The following MOB2 variants were observed in gnomAD, a reference collection of about 807,000 sequenced individuals.
The protein encoded by MOB2 is MOB2 Mps One Binder homolog.
MOB2 carries 14 observed loss-of-function variants against 27.4 expected under a neutral mutation model. The observed-to-expected ratio is 0.51, with a 90% CI of 0.34 to 0.80. The LOEUF (loss-of-function observed/expected upper bound fraction) is 0.80. Among genes scored for constraint, MOB2 ranks in the 30% least tolerant of loss-of-function variants. MOB2 has a pLI of 0.01. For synonymous variants in MOB2, 167 were observed against 151.8 expected, an observed-to-expected ratio of 1.10 and a Z score of -0.74; for missense variants, 304 against 354.6, an observed-to-expected ratio of 0.86 and a Z score of 1.15.
chr11:1,475,779 A>T (rs1307000513), intron 3 of MOB2, among the ~76,000 whole-genome samples: 7 of 152,250 alleles, frequency 4.6e-5, no homozygotes, highest in African/African-American at 1.4e-4. Context: ...TTCAGATGTA[A>T]CAGCGAAATT....
At position 1,480,588 on chromosome 11, in the gene MOB2, C is replaced by T. The variant is rs556276535; in HGVS notation, c.272-102G>A. The T allele has an allele frequency of 2.6e-6, 4 of 1,530,016 alleles. No individual in the cohort carries two copies. The African/African-American group carries it at 5.5e-5, about 21-fold the overall frequency. The allele number at this position is 1,530,016 out of a possible 1,614,324, so 94.8% of individuals were successfully genotyped here. ...AGGTGCAGGAGCTCGGCTGGGTGAG[C>T]TCTGCCCGTCCACGGGCCACATTCT... On this transcript the variant is annotated intron_variant, in intron 2 of 4. Coordinates refer to ENST00000329957, the MANE Select transcript of MOB2 (RefSeq NM_001172223.3).
At chr11:1,480,670 G>A (rs1847901207) in intron 2 of MOB2, 55 bp downstream of exon 2, 2 of 1,579,684 alleles carry the variant, frequency 1.3e-6, no homozygotes, top group Non-Finnish European at 1.7e-6. Context: ...TTGAGGAGGG[G>A]CTTCGAGGAG....
At chr11:1,484,537 C>T (rs540241569) in intron 1 of MOB2, among the ~76,000 whole-genome samples, 1 of 152,114 alleles carries the variant, frequency 6.6e-6, no homozygotes, top group African/African-American at 2.4e-5. Context: ...CCAGTAGCCA[C>T]CCGGTACAGA....
In MOB2 at chr11:1,470,563, C is replaced by T. The variant is rs575594187; in HGVS notation, c.491-75G>A. 2.7e-4 allele frequency: 399 copies of T among 1,492,660 alleles called. 1 individual carries two copies. The highest frequency in any genetic ancestry group is 3.5e-4 in the Non-Finnish European group (387 of 1,116,148). The allele number at this position is 1,492,660 out of a possible 1,614,324, so 92.5% of individuals were successfully genotyped here. On this transcript the variant is annotated intron_variant, in intron 4 of 4. Transcript: ENST00000329957. ...AGAGGCCAGGCCCCTGGCACCCAGC[C>T]TGGTGGGTCTGGTACCTGCCACCCA... is the stretch of plus-strand genomic sequence containing the variant.
At chr11:1,482,340 C>T (rs1410353704) in intron 1 of MOB2, among the ~76,000 whole-genome samples, 3 of 152,258 alleles carry the variant, frequency 2.0e-5, no homozygotes, top group Non-Finnish European at 4.4e-5. Context: ...TGCCCCAGGG[C>T]CCACTCAGGG....
At chr11:1,476,817 T>C (rs1270134422) in intron 3 of MOB2, among the ~76,000 whole-genome samples, 2 of 152,210 alleles carry the variant, frequency 1.3e-5, no homozygotes, top group Non-Finnish European at 2.9e-5. Flanking sequence ...TGTTAAAGTT[T>C]TTTTGTTGAG....
chr11:1,480,265 T>C (rs1211556349), intron 3 of MOB2, 128 bp downstream of exon 3: 1 of 827,206 alleles, frequency 1.2e-6, no homozygotes, highest in Non-Finnish European at 1.9e-6. Context: ...GTGGAAGGCC[T>C]GTGCCAAGAC....
rs769199222 is a variant in MOB2 at position 1,471,438 on chromosome 11, G to C, written c.366-19C>G. On this transcript the variant is annotated intron_variant, in intron 3 of 4. Coordinates refer to ENST00000329957, the MANE Select transcript of MOB2 (RefSeq NM_001172223.3). The stretch of plus-strand genomic sequence containing the variant: ...GTACTGTCTGTGGAGACAGAGACAC[G>C]GTCAGGGCATGCGCCCGCTGCACAC... 1 of 1,603,820 alleles carries C rather than the reference G, an allele frequency of 6.2e-7. No individual in the cohort carries two copies. The highest frequency in any genetic ancestry group is 8.5e-7 in the Non-Finnish European group (1 of 1,173,906).
At chr11:1,482,579 A>C (rs1452215204) in intron 1 of MOB2, among the ~76,000 whole-genome samples, 1 of 152,172 alleles carries the variant, frequency 6.6e-6, no homozygotes, top group African/African-American at 2.4e-5. Flanking sequence ...AACACAGAAG[A>C]AAAGTACGCA....
chr11:1,469,568 T>C lies in MOB2; in HGVS notation c.*604A>G, dbSNP rs984948705. The C allele has an allele frequency of 1.5e-5, 7 of 456,632 alleles. No individual in the cohort carries two copies. Among genetic ancestry groups the C allele is most frequent in the Non-Finnish European group, 2.2e-5 (5 of 227,014 alleles). The allele number at this position is 456,632 out of a possible 1,614,324, so 28.3% of individuals were successfully genotyped here. A position where few individuals can be genotyped will look rare whatever the true frequency, so the allele number is the denominator to read the frequency against. ...GCAGGGCCTCAGCCCCGTCCTGGCC[T>C]TGCCTGAGGACTGCACCATGGGTGT... On this transcript the variant is annotated 3_prime_UTR_variant, in exon 5 of 5. Transcript: ENST00000329957.
intron 3 of MOB2, among the ~76,000 whole-genome samples, chr11:1,475,178 A>G (rs1187694500): frequency 6.6e-6 from 1 of 152,198 alleles, no homozygotes; most frequent in African/African-American, 2.4e-5. Flanking sequence ...TTATTTTTGG[A>G]GCTATTATAA....
At chr11:1,481,197 G>C (rs1847910372) in intron 1 of MOB2, 1 of 479,152 alleles carries the variant, frequency 2.1e-6, no homozygotes. Context: ...AGGGGCCCAG[G>C]GTTTAGGGCC....
At position 1,486,488 on chromosome 11, in the gene MOB2, G is replaced by C. The variant is rs1456890679; in HGVS notation, c.69C>G (p.Leu23=). ...ARPGQSLQSG[L]CCKMVLQAVS... ...CAGCCTGAAGCACCATTTTGCAGCAGAGTCCACTTTGCAGGGACTGGCCGG... is the reference window on the plus strand; with the variant it reads ...CAGCCTGAAGCACCATTTTGCAGCACAGTCCACTTTGCAGGGACTGGCCGG... The change falls in exon 1 of 5, where the codon CTC becomes CTG. Residue 23 remains leucine (L), a synonymous_variant. Coordinates refer to ENST00000329957, the MANE Select transcript of MOB2 (RefSeq NM_001172223.3). 2.0e-6 allele frequency: 3 copies of C among 1,535,818 alleles called. No homozygotes were observed. The highest frequency in any genetic ancestry group is 4.9e-5 in the East Asian group (2 of 40,928).
At chr11:1,481,167 A>AC (rs1179914966) in intron 1 of MOB2, 2 of 567,518 alleles carry the variant, frequency 3.5e-6, no homozygotes, top group Non-Finnish European at 6.5e-6. Context: ...CTCACCCCTC[A>AC]CCAAGTCCTC....
chr11:1,484,623 G>GC (rs1847951582), intron 1 of MOB2, among the ~76,000 whole-genome samples: 1 of 152,146 alleles, frequency 6.6e-6, no homozygotes, highest in Non-Finnish European at 1.5e-5. Context: ...TGCAGGGAGG[G>GC]CACCACATGC....
chr11:1,469,748 T>G lies in MOB2; in HGVS notation c.*424A>C, dbSNP rs539037221. 83 of 469,284 alleles carry G rather than the reference T, an allele frequency of 1.8e-4. No homozygotes were observed. The highest frequency in any genetic ancestry group is 1.3e-3 in the South Asian group (82 of 64,674). The allele number at this position is 469,284 out of a possible 1,614,324, so 29.1% of individuals were successfully genotyped here. ...AGGGGTGAGAGGGAAGGAGGGTCTC[T>G]GTGAAAGCAAGCCCCACCCCCAGAG... On this transcript the variant is annotated 3_prime_UTR_variant, in exon 5 of 5. Coordinates refer to ENST00000329957, the MANE Select transcript of MOB2 (RefSeq NM_001172223.3).
intron 3 of MOB2, chr11:1,472,058 A>G (rs1211946995): frequency 6.6e-6 from 1 of 152,276 alleles, no homozygotes; most frequent in Non-Finnish European, 1.5e-5. Context: ...TCCTAGGGAC[A>G]TGGACACCCT....
chr11:1,478,200 C>T (rs867036014), intron 3 of MOB2, among the ~76,000 whole-genome samples: 3 of 152,184 alleles, frequency 2.0e-5, no homozygotes, highest in Non-Finnish European at 4.4e-5. Context: ...CCACCACAGG[C>T]CCCACGGCCG....
chr11:1,479,513 C>T (rs1305493471), intron 3 of MOB2, among the ~76,000 whole-genome samples: 1 of 152,242 alleles, frequency 6.6e-6, no homozygotes, highest in African/African-American at 2.4e-5. Context: ...TGTGACCCAT[C>T]ATGGCCATGA....
Sources: gnomAD v4.1 joint callset for allele counts (sites outside exome capture counted in the v4.1 genomes callset) on GRCh38, gnomAD v4.1.1 for gene constraint, MANE v1.5 for transcripts, NCBI Gene and HGNC (gene_info 2026-07-23, HGNC 2026-07-21) for gene names.